Variants in PARPBP observed in about 807,000 individuals in gnomAD.
PARPBP encodes PARP1 binding protein.
Under a neutral mutation model 50.0 loss-of-function variants are expected in PARPBP, and 52 were observed. The observed-to-expected ratio is 1.04, with a 90% CI of 0.83 to 1.31. The LOEUF (loss-of-function observed/expected upper bound fraction) is 1.31, where lower values mean the gene tolerates loss of function less well. PARPBP is among the 50% of genes most tolerant of loss of function. PARPBP has a pLI of 0.00. For synonymous variants in PARPBP, 244 were observed against 232.1 expected (o/e 1.05, Z -0.47); for missense variants, 697 against 672.0 (o/e 1.04, Z -0.41).
rs532606085 is a variant in PARPBP at position 102,145,750 on chromosome 12, C to G, written c.154-2480C>G. On this transcript the variant is annotated intron_variant, in intron 2 of 10. Coordinates refer to ENST00000327680, the MANE Select transcript of PARPBP (RefSeq NM_017915.5). Reference sequence around the variant, plus strand: ...AGAGAAAGAAAAAGAATAATTTTGCCTGATTACTAACATCTGACAACTTAT... The same window carrying G: ...AGAGAAAGAAAAAGAATAATTTTGCGTGATTACTAACATCTGACAACTTAT... 3.9e-5 allele frequency among the ~76,000 whole-genome samples: 6 copies of G among 152,184 alleles called. No homozygotes were observed. In the East Asian group the frequency reaches 7.7e-4, roughly 20 times the overall value.
At chr12:102,132,111 G>A (rs894414977) in intron 2 of PARPBP, among the ~76,000 whole-genome samples, 23 of 152,030 alleles carry the variant, frequency 1.5e-4, no homozygotes, top group Non-Finnish European at 1.8e-4. Flanking sequence ...AGGCTGAGGT[G>A]GGAGAATCAC....
chr12:102,125,329 A>G (rs1881826828), intron 2 of PARPBP, among the ~76,000 whole-genome samples: 1 of 152,236 alleles, frequency 6.6e-6, no homozygotes, highest in Admixed American at 6.5e-5. Flanking sequence ...CATAATAAAC[A>G]TACAGAAAAC....
intron 7 of PARPBP, among the ~76,000 whole-genome samples, chr12:102,175,985 CT>C (rs948256671): frequency 2.3e-3 from 328 of 141,502 alleles, no homozygotes; most frequent in Admixed American, 2.6e-3. Context: ...CATAAATATT[CT>C]TTTTTTTTTT....
chr12:102,196,969 T>G lies in PARPBP; in HGVS notation c.*678T>G. ...AAGAATTGAATTTTGAAAAGACTAC[T>G]CACTGTCAAAATCTCTCCTTCCTAT... On this transcript the variant is annotated 3_prime_UTR_variant, in exon 11 of 11. Transcript: ENST00000327680. 6.2e-7 allele frequency: 1 copy of G among 1,604,576 alleles called. No individual in the cohort carries two copies. Among genetic ancestry groups the G allele is most frequent in the Non-Finnish European group, 8.5e-7 (1 of 1,172,358 alleles).
chr12:102,165,352 G>A (rs565232083), intron 5 of PARPBP, among the ~76,000 whole-genome samples: 8 of 152,242 alleles, frequency 5.3e-5, no homozygotes, highest in African/African-American at 1.9e-4. Context: ...ATCAGCTGAC[G>A]CTAAAAATTC....
At chr12:102,125,543 G>A (rs1463548665) in intron 2 of PARPBP, among the ~76,000 whole-genome samples, 1 of 152,122 alleles carries the variant, frequency 6.6e-6, no homozygotes, top group East Asian at 1.9e-4. Context: ...CCCTGAGGTG[G>A]CTCTATGCCT....
chr12:102,196,132 A>G lies in PARPBP; in HGVS notation c.1581A>G (p.Glu527=). The G allele has an allele frequency of 6.2e-7, 1 of 1,612,180 alleles. No homozygotes were observed. Among genetic ancestry groups the G allele is most frequent in the Non-Finnish European group, 8.5e-7 (1 of 1,178,716 alleles). ...ATATTCTCTGTGATAATAGAAATGA[A>G]CCACCTCAACATAAAAATGCTAAAA... ...GENILCDNRN[E]PPQHKNAKIP... is the part of the protein sequence containing the mutation. The change falls in exon 11 of 11, where the codon GAA becomes GAG. Residue 527 remains glutamate, a synonymous_variant. Transcript: ENST00000327680.
intron 2 of PARPBP, among the ~76,000 whole-genome samples, chr12:102,144,419 G>A (rs1214795995): frequency 6.6e-6 from 1 of 152,062 alleles, no homozygotes; most frequent in Non-Finnish European, 1.5e-5. Flanking sequence ...AATATTTTCT[G>A]ATTTGACCAC....
chr12:102,186,721 T>A (rs543967645), intron 9 of PARPBP, among the ~76,000 whole-genome samples: 1 of 152,274 alleles, frequency 6.6e-6, no homozygotes, highest in South Asian at 2.1e-4. Context: ...AATTGAAAAG[T>A]CATATATACA....
chr12:102,173,863 G>C (rs1400817893), intron 6 of PARPBP, among the ~76,000 whole-genome samples: 1 of 147,444 alleles, frequency 6.8e-6, no homozygotes, highest in Non-Finnish European at 1.5e-5. Flanking sequence ...GGAGAGATTG[G>C]GTGGTACTGG....
At chr12:102,178,469 A>T (rs1889505217) in intron 7 of PARPBP, 123 bp from the exon 8 acceptor site, 2 of 524,930 alleles carry the variant, frequency 3.8e-6, no homozygotes, top group South Asian at 9.6e-5. Flanking sequence ...CACTTCTTAT[A>T]GCTGATGTTT....
intron 2 of PARPBP, among the ~76,000 whole-genome samples, chr12:102,137,785 C>T (rs183242021): frequency 1.8e-4 from 28 of 152,022 alleles, no homozygotes; most frequent in East Asian, 5.8e-4. Flanking sequence ...ATAGTTTGCT[C>T]GGAATGATGG....
chr12:102,196,815 ATAAT>A lies in PARPBP; in HGVS notation c.*530_*533del. 1 of 1,057,684 alleles carries A rather than the reference ATAAT, an allele frequency of 9.5e-7. No homozygotes were observed. Among genetic ancestry groups the A allele is most frequent in the Non-Finnish European group, 1.4e-6 (1 of 697,702 alleles). The allele number at this position is 1,057,684 out of a possible 1,614,324, so 65.5% of individuals were successfully genotyped here. A position where few individuals can be genotyped will look rare whatever the true frequency, so the allele number is the denominator to read the frequency against. On this transcript the variant is annotated 3_prime_UTR_variant, in exon 11 of 11. Coordinates refer to ENST00000327680, the MANE Select transcript of PARPBP (RefSeq NM_017915.5). ...TAATTCTGAGTAAACCAAAATGATA[ATAAT>A]TAATTGTTGCTATTTAATCCCACAT... is the stretch of plus-strand genomic sequence containing the variant.
At chr12:102,165,623 C>T (rs1427249426) in intron 5 of PARPBP, 106 bp from the exon 6 acceptor site, 3 of 886,720 alleles carry the variant, frequency 3.4e-6, no homozygotes, top group Non-Finnish European at 5.3e-6. Flanking sequence ...ATGTGCTTCA[C>T]TTTTAACTGT....
intron 2 of PARPBP, among the ~76,000 whole-genome samples, chr12:102,147,996 C>G (rs1885636506): frequency 6.6e-6 from 1 of 152,090 alleles, no homozygotes; most frequent in Admixed American, 6.6e-5. Flanking sequence ...CCAGTTTTAT[C>G]ATGTGCAAAC....
At chr12:102,123,767 T>A in intron 1 of PARPBP, 119 bp from the exon 2 acceptor site, 5 of 535,686 alleles carry the variant, frequency 9.3e-6, no homozygotes, top group Non-Finnish European at 1.6e-5. Context: ...TCTTGGTAAA[T>A]ATGAAATGAC....
At chr12:102,163,423 A>G (rs1397521816) in intron 4 of PARPBP, among the ~76,000 whole-genome samples, 3 of 152,144 alleles carry the variant, frequency 2.0e-5, no homozygotes, top group Admixed American at 2.0e-4. Context: ...CAGAGTTTAT[A>G]TTCATTTTGT....
Position 102,197,380 on chromosome 12 carries a change from A to C in PARPBP, c.*1089A>C, listed in dbSNP as rs1282217875. On this transcript the variant is annotated 3_prime_UTR_variant, in exon 11 of 11. Coordinates refer to ENST00000327680, the MANE Select transcript of PARPBP (RefSeq NM_017915.5). ...TGGAAGAACTACCTGGCATGTAAGA[A>C]ATATCGTCAGTCGTCCTAATGCATA... The C allele has an allele frequency of 3.5e-6, 3 of 858,108 alleles. No homozygotes were observed. The African/African-American group carries it at 5.1e-5, about 15-fold the overall frequency. 53.2% of individuals were successfully genotyped at this position (858,108 alleles called of 1,614,324 possible). A position where few individuals can be genotyped will look rare whatever the true frequency, so the allele number is the denominator to read the frequency against.
chr12:102,165,370 C>T (rs974165803), intron 5 of PARPBP, among the ~76,000 whole-genome samples: 12 of 152,230 alleles, frequency 7.9e-5, no homozygotes, highest in Middle Eastern at 3.4e-3. Context: ...TTCCCTTGTT[C>T]CATGTAACAA....
Sources: gnomAD v4.1 joint callset for allele counts (sites outside exome capture counted in the v4.1 genomes callset) on GRCh38, gnomAD v4.1.1 for gene constraint, MANE v1.5 for transcripts, NCBI Gene and HGNC (gene_info 2026-07-23, HGNC 2026-07-21) for gene names.